AMMECR1L: variants seen among roughly 807,000 people sequenced by gnomAD.
AMMECR1L encodes AMMECR1-like protein.
A neutral mutation model predicts 36.8 loss-of-function variants in AMMECR1L; 4 were observed. The ratio of observed to expected loss-of-function variants is 0.11; its 90% CI spans 0.05 to 0.25. AMMECR1L has a LOEUF of 0.25. AMMECR1L is among the 10% of genes least tolerant of loss of function. The pLI is 1.00. For missense variants in AMMECR1L, 232 were observed against 392.1 expected, an observed-to-expected ratio of 0.59 and a Z score of 3.45; for synonymous variants, 147 against 148.0, an observed-to-expected ratio of 0.99 and a Z score of 0.05.
At position 127,871,377 on chromosome 2, in the gene AMMECR1L, C is replaced by T; in HGVS notation, c.408-18G>A. 6.2e-7 allele frequency: 1 copy of T among 1,609,748 alleles called. No homozygotes were observed. The highest frequency in any genetic ancestry group is 1.3e-5 in the African/African-American group (1 of 74,998). On this transcript the variant is annotated intron_variant, in intron 3 of 7. Transcript: ENST00000272647. The surrounding 1 kb of genome is among the most constrained non-coding windows in gnomAD (Gnocchi z 4.3). ...AGAGCGGACTAAAAAAAGCAAAACA[C>T]AAAACATTCTCCAGCCCCAAATTAA...
In AMMECR1L at chr2:127,870,803, G is replaced by C; in HGVS notation, c.633+11C>G. The C allele has an allele frequency of 1.2e-6, 2 of 1,600,306 alleles. No individual in the cohort carries two copies. Among genetic ancestry groups the C allele is most frequent in the Non-Finnish European group, 1.7e-6 (2 of 1,171,156 alleles). ...CGAGAGATGCAGAGTTCCAAATGCG[G>C]CTGTTCTCACCTCCCAGTCCAGGTA... On this transcript the variant is annotated intron_variant, in intron 5 of 7. Coordinates refer to ENST00000272647, the MANE Select transcript of AMMECR1L (RefSeq NM_001199140.2).
intron 6 of AMMECR1L, among the ~76,000 whole-genome samples, chr2:127,868,839 C>T (rs1690827116): frequency 6.6e-6 from 1 of 152,042 alleles, no homozygotes; most frequent in Non-Finnish European, 1.5e-5. Flanking sequence ...ATTCTCCTGC[C>T]TCAGCCTCCT....
rs1233769793 is a variant in AMMECR1L at position 127,863,875 on chromosome 2, G to C, written c.*1219C>G. ...TTTGGAAATCAGCAACAATGGGAAA[G>C]GGAAATATGTCACATGAAAGTTTGA... On this transcript the variant is annotated 3_prime_UTR_variant, in exon 8 of 8. Coordinates refer to ENST00000272647, the MANE Select transcript of AMMECR1L (RefSeq NM_001199140.2). The C allele has an allele frequency of 6.6e-6, 1 of 152,526 alleles. No homozygotes were observed. Among genetic ancestry groups the C allele is most frequent in the African/African-American group, 2.4e-5 (1 of 41,470 alleles). The allele number at this position is 152,526 out of a possible 1,614,324, so 9.4% of individuals were successfully genotyped here.
chr2:127,871,106 T>C lies in AMMECR1L; in HGVS notation c.518+143A>G, dbSNP rs376876823. 227 of 988,654 alleles carry C rather than the reference T, an allele frequency of 2.3e-4. 2 individuals carry two copies. The African/African-American group carries it at 3.1e-3, about 13-fold the overall frequency. 61.2% of individuals were successfully genotyped at this position (988,654 alleles called of 1,614,324 possible). On this transcript the variant is annotated intron_variant, in intron 4 of 7. Coordinates refer to ENST00000272647, the MANE Select transcript of AMMECR1L (RefSeq NM_001199140.2). This position sits in a 1 kb window ranked among gnomAD's most constrained non-coding sequence, Gnocchi z 4.3. Reference sequence around the variant, plus strand: ...AACTGTCTGTACTTGAACTGATAACTGACTCACCAGATTAAGCCCCTTACA... The same window carrying C: ...AACTGTCTGTACTTGAACTGATAACCGACTCACCAGATTAAGCCCCTTACA...
chr2:127,882,692 C>A (rs1487375466), intron 2 of AMMECR1L, among the ~76,000 whole-genome samples: 1 of 152,050 alleles, frequency 6.6e-6, no homozygotes, highest in Non-Finnish European at 1.5e-5. Flanking sequence ...CTTCTGTGCT[C>A]AAGAGATCCT....
Position 127,881,183 on chromosome 2 carries a change from T to C in AMMECR1L, c.-39+3020A>G, listed in dbSNP as rs111534983. Among the ~76,000 whole-genome samples the C allele has an allele frequency of 3.9e-3, 595 of 152,028 alleles. 7 individuals are homozygous for C. The highest frequency in any genetic ancestry group is 0.013 in the African/African-American group (553 of 41,560). On this transcript the variant is annotated intron_variant, in intron 2 of 7. Transcript: ENST00000272647. ...TCTAAACTGCAGTTGGGAAGAATCA[T>C]TTTTTCCTTTTTCAATGATAGAGCA...
intron 2 of AMMECR1L, among the ~76,000 whole-genome samples, chr2:127,881,440 C>T (rs1053800383): frequency 2.4e-4 from 37 of 151,922 alleles, no homozygotes; most frequent in African/African-American, 8.2e-4. Flanking sequence ...AAAAAAATAA[C>T]TCCCATTTTC....
chr2:127,865,533 C>T lies in AMMECR1L; in HGVS notation c.822-328G>A, dbSNP rs1341093328. The stretch of plus-strand genomic sequence containing the variant: ...TGAAGAATTTCAAGGTCAAATTACT[C>T]GGGTGGCAGATTGGAAGATGGCTGC... On this transcript the variant is annotated intron_variant, in intron 7 of 7. Transcript: ENST00000272647. The surrounding 1 kb of genome is among the most constrained non-coding windows in gnomAD (Gnocchi z 5.4). 1.3e-5 allele frequency among the ~76,000 whole-genome samples: 2 copies of T among 152,180 alleles called. No individual in the cohort carries two copies. The highest frequency in any genetic ancestry group is 4.8e-5 in the African/African-American group (2 of 41,432).
intron 6 of AMMECR1L, among the ~76,000 whole-genome samples, chr2:127,868,220 C>T (rs193171418): frequency 6.6e-6 from 1 of 152,234 alleles, no homozygotes; most frequent in Admixed American, 6.5e-5. Flanking sequence ...AAAGAAAATC[C>T]CCTAAATTAC....
At chr2:127,878,198 A>G (rs1480899982) in intron 2 of AMMECR1L, among the ~76,000 whole-genome samples, 1 of 152,242 alleles carries the variant, frequency 6.6e-6, no homozygotes, top group Non-Finnish European at 1.5e-5. Context: ...CATCTCAGCC[A>G]TCACCTGGAA....
At chr2:127,872,192 G>GAAA (rs369158538) in intron 3 of AMMECR1L, among the ~76,000 whole-genome samples, 1 of 84,752 alleles carries the variant, frequency 1.2e-5, no homozygotes, top group Non-Finnish European at 2.5e-5. Context: ...GTCTCAAAAA[G>GAAA]AAAAAAAAAA....
chr2:127,871,422 CT>C lies in AMMECR1L; in HGVS notation c.408-64del, dbSNP rs111651531. On this transcript the variant is annotated intron_variant, in intron 3 of 7. Coordinates refer to ENST00000272647, the MANE Select transcript of AMMECR1L (RefSeq NM_001199140.2). The surrounding 1 kb of genome is among the most constrained non-coding windows in gnomAD (Gnocchi z 4.3). ...AATTAATCATGGATAAGAACAAAACCTTTTGGCTTTGTCCCTATTCATTTCT... is the reference window on the plus strand; with the variant it reads ...AATTAATCATGGATAAGAACAAAACCTTTGGCTTTGTCCCTATTCATTTCT... 7,055 of 1,523,680 alleles carry C rather than the reference CT, an allele frequency of 4.6e-3. 266 individuals carry two copies. In the African/African-American group the frequency reaches 0.085, roughly 18 times the overall value. The allele number at this position is 1,523,680 out of a possible 1,614,324, so 94.4% of individuals were successfully genotyped here.
chr2:127,881,209 C>T (rs1291617339), intron 2 of AMMECR1L, among the ~76,000 whole-genome samples: 1 of 151,838 alleles, frequency 6.6e-6, no homozygotes, highest in Non-Finnish European at 1.5e-5. Flanking sequence ...TGATAGAGCA[C>T]TTTCAGAACT....
rs182823244 is a variant in AMMECR1L at position 127,865,534 on chromosome 2, G to A, written c.822-329C>T. 6.6e-6 allele frequency among the ~76,000 whole-genome samples: 1 copy of A among 152,176 alleles called. No individual in the cohort carries two copies. Among genetic ancestry groups the A allele is most frequent in the South Asian group, 2.1e-4 (1 of 4,834 alleles). ...GAAGAATTTCAAGGTCAAATTACTCGGGTGGCAGATTGGAAGATGGCTGCA... is the reference window on the plus strand; with the variant it reads ...GAAGAATTTCAAGGTCAAATTACTCAGGTGGCAGATTGGAAGATGGCTGCA... On this transcript the variant is annotated intron_variant, in intron 7 of 7. Transcript: ENST00000272647. The surrounding 1 kb of genome is among the most constrained non-coding windows in gnomAD (Gnocchi z 5.4).
intron 2 of AMMECR1L, among the ~76,000 whole-genome samples, chr2:127,877,957 C>T (rs555617738): frequency 1.3e-5 from 2 of 151,974 alleles, no homozygotes; most frequent in Non-Finnish European, 1.5e-5. Flanking sequence ...ACACAGGAGG[C>T]TGAAGCAAGA....
At position 127,871,361 on chromosome 2, in the gene AMMECR1L, TA is replaced by T. The variant is rs746275595; in HGVS notation, c.408-3del. The T allele has an allele frequency of 3.1e-6, 5 of 1,613,074 alleles. No individual in the cohort carries two copies. Among genetic ancestry groups the T allele is most frequent in the Non-Finnish European group, 3.4e-6 (4 of 1,179,888 alleles). On this transcript the variant is annotated splice_polypyrimidine_tract_variant and splice_region_variant and intron_variant, in intron 3 of 7. Coordinates refer to ENST00000272647, the MANE Select transcript of AMMECR1L (RefSeq NM_001199140.2). This position sits in a 1 kb window ranked among gnomAD's most constrained non-coding sequence, Gnocchi z 4.3. ...GTCTTCCACGTCACAAAGAGCGGAC[TA>T]AAAAAAGCAAAACACAAAACATTCT...
At chr2:127,877,654 C>G (rs1410767561) in intron 2 of AMMECR1L, among the ~76,000 whole-genome samples, 1 of 151,978 alleles carries the variant, frequency 6.6e-6, no homozygotes, top group African/African-American at 2.4e-5. Flanking sequence ...GGATTTAGAT[C>G]ACAATCTATG....
intron 2 of AMMECR1L, among the ~76,000 whole-genome samples, chr2:127,877,998 G>A (rs59918187): frequency 0.14 from 21,568 of 152,082 alleles, 1,943 homozygotes; most frequent in African/African-American, 0.25. Context: ...GGTTGAGGCT[G>A]CAGTGAGCCA....
Position 127,874,920 on chromosome 2 carries a change from A to G in AMMECR1L, c.-38-648T>C, listed in dbSNP as rs1486795333. ...TTGGTTCCCCTCTGAACTCACTCCA[A>G]TTTCTATACATCTCCCTATCCTTTC... On this transcript the variant is annotated intron_variant, in intron 2 of 7. Transcript: ENST00000272647. The surrounding 1 kb of genome is among the most constrained non-coding windows in gnomAD (Gnocchi z 5.2). Among the ~76,000 whole-genome samples, 2 of 152,028 alleles carry G rather than the reference A, an allele frequency of 1.3e-5. No individual in the cohort carries two copies. Among genetic ancestry groups the G allele is most frequent in the Non-Finnish European group, 2.9e-5 (2 of 68,000 alleles).
Sources: gnomAD v4.1 joint callset for allele counts (sites outside exome capture counted in the v4.1 genomes callset) on GRCh38, gnomAD v4.1.1 for gene constraint, Gnocchi (gnomAD v3.1) non-coding constraint, MANE v1.5 for transcripts, NCBI Gene and HGNC (gene_info 2026-07-23, HGNC 2026-07-21) for gene names.